Variants in BTBD6 observed in about 807,000 individuals in gnomAD.
BTBD6 encodes the protein BTB domain containing 6.
Under a neutral mutation model 40.6 loss-of-function variants are expected in BTBD6, and 30 were observed. The observed-to-expected ratio is 0.74, with a 90% CI of 0.55 to 1.00. The LOEUF is 1.00. Ranked by LOEUF, BTBD6 falls within the 50% of genes least tolerant of loss-of-function variation. The probability of loss-of-function intolerance (pLI) is 0.00; values close to 1 mark genes in which losing one functional copy is unlikely to be tolerated. For missense variants in BTBD6, 698 were observed against 694.6 expected (o/e 1.00, Z -0.06); for synonymous variants, 378 against 308.7 (o/e 1.22, Z -2.35).
intron 3 of BTBD6, 73 bp downstream of exon 3, chr14:105,249,551 A>G (rs1595383332): frequency 1.9e-6 from 3 of 1,593,130 alleles, no homozygotes; most frequent in Non-Finnish European, 2.6e-6. Flanking sequence ...GAAGGGAAGC[A>G]CACAGGAGCT....
At chr14:105,249,297 G>GC in intron 2 of BTBD6, 50 bp downstream of exon 2, 1 of 1,576,798 alleles carries the variant, frequency 6.3e-7, no homozygotes, top group Non-Finnish European at 8.6e-7. Flanking sequence ...CGCCCCGTCC[G>GC]CCGTGTGGCT....
chr14:105,250,732 C>G lies in BTBD6; in HGVS notation c.*60C>G. 1 of 1,489,956 alleles carries G rather than the reference C, an allele frequency of 6.7e-7. No homozygotes were observed. 92.3% of individuals were successfully genotyped at this position (1,489,956 alleles called of 1,614,324 possible). ...AGTGGAGGGGAAGTCAAGATGCTAA[C>G]TGCTTCTTGACACCATGAAAGGCTG... is the stretch of plus-strand genomic sequence containing the variant. On this transcript the variant is annotated 3_prime_UTR_variant, in exon 4 of 4. Transcript: ENST00000392554.
At position 105,249,210 on chromosome 14, in the gene BTBD6, G is replaced by A. The variant is rs777351259; in HGVS notation, c.428G>A (p.Gly143Glu). 1 of 1,588,018 alleles carries A rather than the reference G, an allele frequency of 6.3e-7. No homozygotes were observed. The highest frequency in any genetic ancestry group is 2.3e-5 in the East Asian group (1 of 44,394). The change falls in exon 2 of 4, where the codon GGG becomes GAG. Residue 143 changes from glycine to glutamate, a missense_variant. Physicochemically the swap from Gly to Glu is moderately conservative, Grantham distance 98 (BLOSUM62 -2). Transcript: ENST00000392554. ...ATGGCCGACGTGCACTTCGTCGTGG[G>A]GCCCCCGGGGGCGACCAGGACGGTG... ...ELMADVHFVV[G>E]PPGATRTVPA...
Position 105,248,761 on chromosome 14 carries a change from C to T in BTBD6, c.50C>T (p.Thr17Ile), listed in dbSNP as rs2055342874. 5.1e-6 allele frequency: 5 copies of T among 981,498 alleles called. No homozygotes were observed. Among genetic ancestry groups the T allele is most frequent in the Non-Finnish European group, 6.0e-6 (5 of 828,906 alleles). 60.8% of individuals were successfully genotyped at this position (981,498 alleles called of 1,614,324 possible). A position where few individuals can be genotyped will look rare whatever the true frequency, so the allele number is the denominator to read the frequency against. The change falls in exon 1 of 4, where the codon ACC becomes ATC. Residue 17 changes from threonine to isoleucine, a missense_variant. Physicochemically the swap from Thr to Ile is moderately conservative, Grantham distance 89. Coordinates refer to ENST00000392554, the MANE Select transcript of BTBD6 (RefSeq NM_001387567.1). ...CACGGCCGCGTCGCTCAGTGCCTGACCTCCTTGCTTTTGCTTGCAGAGCCG... is the reference window on the plus strand; with the variant it reads ...CACGGCCGCGTCGCTCAGTGCCTGATCTCCTTGCTTTTGCTTGCAGAGCCG... ...CLHGRVAQCLTSLLLLAEPLP... is the reference protein window; with the variant it reads ...CLHGRVAQCLISLLLLAEPLP...
rs763975745 is a variant in BTBD6, at chr14:105,250,501, C to A, written c.1446C>A (p.Phe482Leu). 6.2e-7 allele frequency: 1 copy of A among 1,614,096 alleles called. No individual in the cohort carries two copies. Among genetic ancestry groups the A allele is most frequent in the South Asian group, 1.1e-5 (1 of 91,088 alleles). Residue 482 changes from phenylalanine (F) to leucine (L), a missense_variant, in exon 4 of 4, where the codon TTC (phenylalanine) becomes TTA (leucine). By Grantham distance (22) the Phe-to-Leu change is conservative. Coordinates refer to ENST00000392554, the MANE Select transcript of BTBD6 (RefSeq NM_001387567.1). The part of the protein sequence containing the change: ...EHPVQVEQDT[F>L]YTASAVLDGS... ...CGGTCCAGGTTGAACAAGACACCTT[C>A]TACACGGCCAGTGCCGTCCTGGACG...
At chr14:105,249,580 G>GCCCAGC (rs2055455027) in intron 3 of BTBD6, 60 bp from the exon 4 acceptor site, 1 of 1,585,104 alleles carries the variant, frequency 6.3e-7, no homozygotes, top group Non-Finnish European at 8.6e-7. Flanking sequence ...CCTCTCCCAG[G>GCCCAGC]CCCAGCCCCG....
At position 105,249,061 on chromosome 14, in the gene BTBD6, G is replaced by A. The variant is rs1007842315; in HGVS notation, c.350G>A (p.Cys117Tyr). 106 of 1,314,234 alleles carry A rather than the reference G, an allele frequency of 8.1e-5. 2 individuals are homozygous for A. Among genetic ancestry groups the A allele is most frequent in the Non-Finnish European group, 9.4e-5 (98 of 1,041,634 alleles). The allele number at this position is 1,314,234 out of a possible 1,614,324, so 81.4% of individuals were successfully genotyped here. A position where few individuals can be genotyped will look rare whatever the true frequency, so the allele number is the denominator to read the frequency against. The change falls in exon 1 of 4, where the codon TGC becomes TAC. Residue 117 changes from cysteine to tyrosine, a missense_variant. Coordinates refer to ENST00000392554, the MANE Select transcript of BTBD6 (RefSeq NM_001387567.1). ...NNHQESPGWRCCRPTLRERNA... is the reference protein window; with the variant it reads ...NNHQESPGWRYCRPTLRERNA... ...CACCAGGAGAGCCCCGGCTGGCGGT[G>A]CTGCCGCCCCACGCTGCGCGAGAGG...
In BTBD6 at chr14:105,249,811, G is replaced by A. The variant is rs1305699789; in HGVS notation, c.756G>A (p.Glu252=). 1.9e-6 allele frequency: 3 copies of A among 1,613,738 alleles called. No homozygotes were observed. The highest frequency in any genetic ancestry group is 3.3e-4 in the Middle Eastern group (2 of 6,062). ...TGCTGTCCCAGAGCCGGCTGTTTGA[G>A]GAGCCCGAGCTGACGCAGCGCTGCT... ...CVLLSQSRLF[E]EPELTQRCWE... The change falls in exon 4 of 4, where the codon GAG becomes GAA. Residue 252 remains glutamate, a synonymous_variant. Transcript: ENST00000392554.
chr14:105,249,781 C>T lies in BTBD6; in HGVS notation c.726C>T (p.Cys242=), dbSNP rs2055476702. 2 of 1,613,846 alleles carry T rather than the reference C, an allele frequency of 1.2e-6. No individual in the cohort carries two copies. The highest frequency in any genetic ancestry group is 1.7e-6 in the Non-Finnish European group (2 of 1,180,048). ...LETSLEAKNA[C]VLLSQSRLFE... is the part of the protein sequence containing the mutation. ...CAAGTTTGGAAGCCAAGAACGCCTGCGTCCTGCTGTCCCAGAGCCGGCTGT... is the reference window on the plus strand; with the variant it reads ...CAAGTTTGGAAGCCAAGAACGCCTGTGTCCTGCTGTCCCAGAGCCGGCTGT... Residue 242 remains cysteine, a synonymous_variant, in exon 4 of 4, where the codon TGC becomes TGT. Transcript: ENST00000392554.
chr14:105,248,547 C>A lies in BTBD6; in HGVS notation c.-165C>A. Reference sequence around the variant, plus strand: ...GCGGCCCTGACGCAGCGTGACGCACCGGCGCCGCGGCGGGTACGGGCTCGG... The same window carrying A: ...GCGGCCCTGACGCAGCGTGACGCACAGGCGCCGCGGCGGGTACGGGCTCGG... On this transcript the variant is annotated 5_prime_UTR_variant, in exon 1 of 4. Transcript: ENST00000392554. 2 of 821,708 alleles carry A rather than the reference C, an allele frequency of 2.4e-6. No homozygotes were observed. The highest frequency in any genetic ancestry group is 2.8e-6 in the Non-Finnish European group (2 of 704,376). 50.9% of individuals were successfully genotyped at this position (821,708 alleles called of 1,614,324 possible).
rs752956082 is a variant in BTBD6 at position 105,249,907 on chromosome 14, G to T, written c.852G>T (p.Thr284=). 1 of 1,611,168 alleles carries T rather than the reference G, an allele frequency of 6.2e-7. No homozygotes were observed. Among genetic ancestry groups the T allele is most frequent in the Admixed American group, 1.7e-5 (1 of 60,006 alleles). The change falls in exon 4 of 4, where the codon ACG becomes ACT. Residue 284 remains threonine, a synonymous_variant. Coordinates refer to ENST00000392554, the MANE Select transcript of BTBD6 (RefSeq NM_001387567.1). ...SEGFCEIDRQ[T]LEIIVTREAL... is the part of the protein sequence containing the mutation. ...GCTTCTGTGAGATAGACCGGCAGAC[G>T]CTGGAGATCATTGTCACTCGGGAGG... is the stretch of plus-strand genomic sequence containing the variant.
In BTBD6 at chr14:105,249,033, A is replaced by C. The variant is rs587629356; in HGVS notation, c.322A>C (p.Asn108His). ...GCCCGCGCCGCCCACACTCGGCAAC[A>C]ACCACCAGGAGAGCCCCGGCTGGCG... is the stretch of plus-strand genomic sequence containing the variant. ...PAPAPPTLGN[N>H]HQESPGWRCC... The change falls in exon 1 of 4, where the codon AAC (asparagine) becomes CAC (histidine). Residue 108 changes from asparagine (N) to histidine (H), a missense_variant. Asn to His is a moderately conservative substitution (Grantham distance 68). Coordinates refer to ENST00000392554, the MANE Select transcript of BTBD6 (RefSeq NM_001387567.1). 219 of 1,201,982 alleles carry C rather than the reference A, an allele frequency of 1.8e-4. 2 individuals carry two copies. In the South Asian group the frequency reaches 6.3e-3, roughly 35 times the overall value. 74.5% of individuals were successfully genotyped at this position (1,201,982 alleles called of 1,614,324 possible).
At position 105,250,143 on chromosome 14, in the gene BTBD6, G is replaced by T. The variant is rs61742282; in HGVS notation, c.1088G>T (p.Ser363Ile). ...SDILTLEETH[S>I]IFLWYTATNK... The stretch of plus-strand genomic sequence containing the variant: ...ATCCTGACTCTGGAGGAGACCCACA[G>T]CATCTTCCTGTGGTACACGGCCACC... Residue 363 changes from serine (S) to isoleucine (I), a missense_variant, in exon 4 of 4, where the codon AGC becomes ATC. Physicochemically the swap from Ser to Ile is moderately radical, Grantham distance 142. Transcript: ENST00000392554. The T allele has an allele frequency of 4.3e-6, 7 of 1,612,970 alleles. No homozygotes were observed. Among genetic ancestry groups the T allele is most frequent in the Non-Finnish European group, 5.9e-6 (7 of 1,180,046 alleles).
chr14:105,249,289 C>T (rs1233208494), intron 2 of BTBD6, 42 bp downstream of exon 2: 8 of 1,569,656 alleles, frequency 5.1e-6, no homozygotes, highest in Non-Finnish European at 6.9e-6. Flanking sequence ...GCCCCGTCCG[C>T]CCCGTCCGCC....
chr14:105,250,504 C>G lies in BTBD6; in HGVS notation c.1449C>G (p.Tyr483Ter), dbSNP rs756335964. The G allele has an allele frequency of 3.1e-6, 5 of 1,613,976 alleles. No homozygotes were observed. Among genetic ancestry groups the G allele is most frequent in the Non-Finnish European group, 3.4e-6 (4 of 1,180,044 alleles). The change falls in exon 4 of 4, where the codon TAC (tyrosine) becomes TAG (stop). Residue 483 changes from tyrosine to a stop codon, truncating the protein, a stop_gained. Transcript: ENST00000392554. LOFTEE classifies it high-confidence loss of function. ...HPVQVEQDTF[Y>*]TASAVLDGSE... Reference sequence around the variant, plus strand: ...TCCAGGTTGAACAAGACACCTTCTACACGGCCAGTGCCGTCCTGGACGGCA... The same window carrying G: ...TCCAGGTTGAACAAGACACCTTCTAGACGGCCAGTGCCGTCCTGGACGGCA...
chr14:105,249,718 C>T lies in BTBD6; in HGVS notation c.663C>T (p.Val221=). ...TGTACGCTGCTAAGAAGTACATCGTCCCAGCATTGGCAAAAGCCTGTGTCA... is the reference window on the plus strand; with the variant it reads ...TGTACGCTGCTAAGAAGTACATCGTTCCAGCATTGGCAAAAGCCTGTGTCA... The part of the protein sequence containing the change: ...ATLYAAKKYI[V]PALAKACVNF... The change falls in exon 4 of 4, where the codon GTC becomes GTT. Residue 221 remains valine (V), a synonymous_variant. Coordinates refer to ENST00000392554, the MANE Select transcript of BTBD6 (RefSeq NM_001387567.1). 1 of 1,613,874 alleles carries T rather than the reference C, an allele frequency of 6.2e-7. No individual in the cohort carries two copies. The highest frequency in any genetic ancestry group is 8.5e-7 in the Non-Finnish European group (1 of 1,180,032).
chr14:105,249,769 C>G lies in BTBD6; in HGVS notation c.714C>G (p.Ala238=). The G allele has an allele frequency of 6.2e-7, 1 of 1,613,872 alleles. No homozygotes were observed. Among genetic ancestry groups the G allele is most frequent in the African/African-American group, 1.3e-5 (1 of 75,072 alleles). ...ACTTTCTGGAGACAAGTTTGGAAGC[C>G]AAGAACGCCTGCGTCCTGCTGTCCC... ...CVNFLETSLE[A]KNACVLLSQS... is the part of the protein sequence containing the mutation. The change falls in exon 4 of 4, where the codon GCC becomes GCG. Residue 238 remains alanine, a synonymous_variant. Coordinates refer to ENST00000392554, the MANE Select transcript of BTBD6 (RefSeq NM_001387567.1).
chr14:105,250,381 T>A lies in BTBD6; in HGVS notation c.1326T>A (p.Ile442=). ...SSGKAEYSVK[I]ELKRLGVVLA... ...GGAAGGCTGAGTACAGCGTGAAGATTGAGCTCAAGCGGCTCGGGGTGGTTC... is the reference window on the plus strand; with the variant it reads ...GGAAGGCTGAGTACAGCGTGAAGATAGAGCTCAAGCGGCTCGGGGTGGTTC... The change falls in exon 4 of 4, where the codon ATT becomes ATA. Residue 442 remains isoleucine, a synonymous_variant. Transcript: ENST00000392554. 1 of 1,613,854 alleles carries A rather than the reference T, an allele frequency of 6.2e-7. No homozygotes were observed. The highest frequency in any genetic ancestry group is 1.1e-5 in the South Asian group (1 of 91,086).
rs1397347290 is a variant in BTBD6 at position 105,249,390 on chromosome 14, T to C, written c.496T>C (p.Tyr166His). The change falls in exon 3 of 4, where the codon TAT (tyrosine) becomes CAT (histidine). Residue 166 changes from tyrosine to histidine, a missense_variant. Physicochemically the swap from Tyr to His is moderately conservative, Grantham distance 83. Transcript: ENST00000392554. ...YVLAVGSSVF[Y>H]AMFYGDLAEV... ...CTTGGCTGTCGGCAGCTCCGTCTTC[T>C]ATGCCATGTTCTACGGAGACCTGGC... 1 of 1,613,094 alleles carries C rather than the reference T, an allele frequency of 6.2e-7. No individual in the cohort carries two copies. Among genetic ancestry groups the C allele is most frequent in the Non-Finnish European group, 8.5e-7 (1 of 1,179,952 alleles).
Sources: gnomAD v4.1 joint callset for allele counts on GRCh38, gnomAD v4.1.1 for gene constraint, MANE v1.5 for transcripts, NCBI Gene and HGNC (gene_info 2026-07-23, HGNC 2026-07-21) for gene names.